The following PPFIBP1 variants were observed in gnomAD, a reference collection of about 807,000 sequenced individuals.
PPFIBP1 encodes the protein PPFIB scaffold protein 1, also known as liprin-beta-1.
A neutral mutation model predicts 137.8 loss-of-function variants in PPFIBP1; 112 were observed. The ratio of observed to expected loss-of-function variants is 0.81; its 90% CI spans 0.70 to 0.95. The LOEUF (loss-of-function observed/expected upper bound fraction) is 0.95, where lower values mean the gene tolerates loss of function less well. Ranked by LOEUF, PPFIBP1 falls within the 40% of genes least tolerant of loss-of-function variation. PPFIBP1 has a pLI of 0.00. For missense variants in PPFIBP1, 1,083 were observed against 1,196.6 expected (o/e 0.91, Z 1.40); for synonymous variants, 378 against 417.3 (o/e 0.91, Z 1.15).
intron 1 of PPFIBP1, among the ~76,000 whole-genome samples, chr12:27,545,990 G>A (rs1946205614): frequency 6.6e-6 from 1 of 152,190 alleles, no homozygotes; most frequent in Non-Finnish European, 1.5e-5. Flanking sequence ...GGTCTGGATT[G>A]TAGAGTCATT....
intron 1 of PPFIBP1, among the ~76,000 whole-genome samples, chr12:27,543,917 G>T (rs1945944640): frequency 9.1e-6 from 1 of 109,828 alleles, no homozygotes; most frequent in Non-Finnish European, 1.7e-5. Flanking sequence ...GTCTCACTCT[G>T]TTGTCCAGGC....
At chr12:27,618,143 A>T (rs1157041834) in intron 2 of PPFIBP1, among the ~76,000 whole-genome samples, 1 of 152,246 alleles carries the variant, frequency 6.6e-6, no homozygotes, top group Admixed American at 6.5e-5. Context: ...AGTACTGCAA[A>T]GCATGTTTGG....
chr12:27,656,378 A>C (rs1304830508), intron 8 of PPFIBP1, among the ~76,000 whole-genome samples: 1 of 152,228 alleles, frequency 6.6e-6, no homozygotes. Flanking sequence ...TCTCTTTTTA[A>C]TTTGATTACA....
intron 2 of PPFIBP1, among the ~76,000 whole-genome samples, chr12:27,619,667 C>T (rs1449886450): frequency 6.6e-6 from 1 of 152,164 alleles, no homozygotes; most frequent in East Asian, 1.9e-4. Context: ...GTCCTTTCTC[C>T]CAAATGCTAT....
chr12:27,683,551 T>G (rs756668797), intron 24 of PPFIBP1, among the ~76,000 whole-genome samples: 3 of 152,142 alleles, frequency 2.0e-5, no homozygotes, highest in Non-Finnish European at 4.4e-5. Context: ...CACTTCAGCC[T>G]AGTTCTGCTA....
At chr12:27,648,150 G>C (rs2058655450) in intron 6 of PPFIBP1, among the ~76,000 whole-genome samples, 1 of 151,942 alleles carries the variant, frequency 6.6e-6, no homozygotes, top group African/African-American at 2.4e-5. Flanking sequence ...AAATATAATA[G>C]TAAAAAATCT....
chr12:27,526,974 G>A (rs1943828556), intron 1 of PPFIBP1, among the ~76,000 whole-genome samples: 1 of 152,102 alleles, frequency 6.6e-6, no homozygotes, highest in Admixed American at 6.5e-5. Flanking sequence ...TTGGGAACAA[G>A]TTCACCGAGG....
At chr12:27,633,324 C>T (rs1443214005) in intron 2 of PPFIBP1, 38 bp from the exon 3 acceptor site, 1 of 1,388,900 alleles carries the variant, frequency 7.2e-7, no homozygotes, top group Non-Finnish European at 1.0e-6. Flanking sequence ...AAGCCTATGT[C>T]ATTTAATGGA....
chr12:27,687,556 G>T, intron 25 of PPFIBP1, 49 bp downstream of exon 25: 2 of 1,596,126 alleles, frequency 1.3e-6, no homozygotes, highest in South Asian at 2.2e-5. Flanking sequence ...CCAGGCATGG[G>T]ACTGTCCATG....
intron 25 of PPFIBP1, 47 bp downstream of exon 25, chr12:27,687,554 G>A: frequency 6.3e-7 from 1 of 1,599,894 alleles, no homozygotes; most frequent in Non-Finnish European, 8.5e-7. Context: ...TCCCAGGCAT[G>A]GGACTGTCCA....
chr12:27,603,711 A>G (rs750619786), intron 2 of PPFIBP1, among the ~76,000 whole-genome samples: 1 of 152,322 alleles, frequency 6.6e-6, no homozygotes, highest in Non-Finnish European at 1.5e-5. Context: ...CATGAGAGCC[A>G]CACTGGAGAC....
intron 15 of PPFIBP1, 71 bp downstream of exon 15, chr12:27,672,554 A>G (rs1016910109): frequency 1.8e-6 from 2 of 1,107,724 alleles, no homozygotes; most frequent in African/African-American, 1.6e-5. Flanking sequence ...TATACTAACA[A>G]TTACTAATAT....
At chr12:27,683,302 C>T (rs561743623) in intron 24 of PPFIBP1, among the ~76,000 whole-genome samples, 6 of 152,254 alleles carry the variant, frequency 3.9e-5, no homozygotes, top group South Asian at 4.1e-4. Flanking sequence ...TGACCTCAAG[C>T]GACCTGCCTG....
chr12:27,659,248 T>C (rs1247933770), intron 10 of PPFIBP1, among the ~76,000 whole-genome samples: 2 of 152,216 alleles, frequency 1.3e-5, no homozygotes, highest in Non-Finnish European at 2.9e-5. Context: ...TGTTTTGAAG[T>C]CCACTATTTG....
At chr12:27,583,649 A>G (rs543138378) in intron 2 of PPFIBP1, among the ~76,000 whole-genome samples, 1 of 152,314 alleles carries the variant, frequency 6.6e-6, no homozygotes, top group African/African-American at 2.4e-5. Context: ...AGCAGACCTT[A>G]AAGTATTAGA....
chr12:27,662,596 A>T (rs1337023973), intron 11 of PPFIBP1, among the ~76,000 whole-genome samples: 1 of 152,166 alleles, frequency 6.6e-6, no homozygotes, highest in Admixed American at 6.5e-5. Context: ...GATTTGAAAA[A>T]CGAGAGAAAA....
At chr12:27,525,815 A>G (rs1943679786) in intron 1 of PPFIBP1, among the ~76,000 whole-genome samples, 1 of 152,238 alleles carries the variant, frequency 6.6e-6, no homozygotes, top group Non-Finnish European at 1.5e-5. Context: ...ATTAGGTTTC[A>G]GAACTAGAAA....
chr12:27,618,806 A>G (rs1226816821), intron 2 of PPFIBP1, among the ~76,000 whole-genome samples: 1 of 152,148 alleles, frequency 6.6e-6, no homozygotes, highest in Non-Finnish European at 1.5e-5. Flanking sequence ...TCTTCAAAAT[A>G]TTTTACAGAA....
At chr12:27,669,765 A>C (rs12309128) in intron 13 of PPFIBP1, among the ~76,000 whole-genome samples, 3,051 of 152,336 alleles carry the variant, frequency 0.02, 109 homozygotes, top group African/African-American at 0.07. Context: ...TTCACATTTT[A>C]TAACCTTTTA....
Sources: allele counts gnomAD v4.1 joint callset (sites outside exome capture counted in the v4.1 genomes callset), GRCh38; gene constraint gnomAD v4.1.1; transcripts MANE v1.5; gene names NCBI Gene and HGNC (gene_info 2026-07-23, HGNC 2026-07-21).